PTPRE: variants seen among roughly 807,000 people sequenced by gnomAD.
The protein encoded by PTPRE is protein tyrosine phosphatase receptor type E.
Under a neutral mutation model 102.0 loss-of-function variants are expected in PTPRE, and 51 were observed. That is an observed-to-expected ratio of 0.50 (90% CI 0.40 to 0.63). The LOEUF is 0.63. Among genes scored for constraint, PTPRE ranks in the 30% least tolerant of loss-of-function variants. The probability of loss-of-function intolerance (pLI) is 0.00; values close to 1 mark genes in which losing one functional copy is unlikely to be tolerated. For synonymous variants in PTPRE, 345 were observed against 348.2 expected (o/e 0.99, Z 0.10); for missense variants, 752 against 915.1 (o/e 0.82, Z 2.30).
chr10:127,948,091 C>T (rs1440844729), intron 1 of PTPRE, among the ~76,000 whole-genome samples: 1 of 152,100 alleles, frequency 6.6e-6, no homozygotes, highest in Non-Finnish European at 1.5e-5. Flanking sequence ...CTTTTGAGCC[C>T]TGTAGATGCT....
At chr10:128,026,720 A>G (rs1846315585) in intron 2 of PTPRE, among the ~76,000 whole-genome samples, 2 of 152,240 alleles carry the variant, frequency 1.3e-5, no homozygotes, top group Admixed American at 6.5e-5. Flanking sequence ...AACCTTCACC[A>G]ACTGAGATAA....
At chr10:128,045,015 A>G (rs1338142491) in intron 3 of PTPRE, among the ~76,000 whole-genome samples, 1 of 152,248 alleles carries the variant, frequency 6.6e-6, no homozygotes, top group African/African-American at 2.4e-5. Flanking sequence ...CCATCCCTGC[A>G]GGCAGGACAT....
At position 128,047,507 on chromosome 10, in the gene PTPRE, C is replaced by T. The variant is rs1335505777; in HGVS notation, c.209+18C>T. 6.2e-7 allele frequency: 1 copy of T among 1,613,130 alleles called. No individual in the cohort carries two copies. The highest frequency in any genetic ancestry group is 1.1e-5 in the South Asian group (1 of 91,062). ...TTCTTCAGGTAGGAGTGTCCCGGGG[C>T]ACTGACTTGCCCCAACCAGCTCAGA... On this transcript the variant is annotated intron_variant, in intron 4 of 20. Coordinates refer to ENST00000254667, the MANE Select transcript of PTPRE (RefSeq NM_006504.6).
intron 2 of PTPRE, among the ~76,000 whole-genome samples, chr10:128,039,572 T>C (rs1450030508): frequency 6.6e-6 from 1 of 152,246 alleles, no homozygotes; most frequent in African/African-American, 2.4e-5. Flanking sequence ...TTCATCTTAA[T>C]AGTGGTGATT....
intron 1 of PTPRE, among the ~76,000 whole-genome samples, chr10:127,939,963 C>G (rs905492147): frequency 1.3e-4 from 19 of 149,198 alleles, no homozygotes; most frequent in Non-Finnish European, 2.2e-4. Context: ...AGGGCAGGCG[C>G]AGGCAGATGT....
intron 6 of PTPRE, 132 bp downstream of exon 6, chr10:128,049,798 G>A: frequency 7.7e-7 from 1 of 1,304,888 alleles, no homozygotes; most frequent in South Asian, 1.4e-5. Context: ...CCATGAATGG[G>A]CGTGTGAGGA....
intron 2 of PTPRE, among the ~76,000 whole-genome samples, chr10:128,003,080 G>C (rs1376860369): frequency 6.6e-6 from 1 of 152,216 alleles, no homozygotes; most frequent in African/African-American, 2.4e-5. Context: ...CTGAAGAGCA[G>C]AGTGGGCTGT....
At position 128,073,798 on chromosome 10, in the gene PTPRE, A is replaced by G. The variant is rs546067125; in HGVS notation, c.1599+327A>G. On this transcript the variant is annotated intron_variant, in intron 17 of 20. Coordinates refer to ENST00000254667, the MANE Select transcript of PTPRE (RefSeq NM_006504.6). ...GACATTTATTGACTTTTTTCAAGACATGAAGACAACAGTAAACCCAAGGTT... is the reference window on the plus strand; with the variant it reads ...GACATTTATTGACTTTTTTCAAGACGTGAAGACAACAGTAAACCCAAGGTT... Among the ~76,000 whole-genome samples, 416 of 152,354 alleles carry G rather than the reference A, an allele frequency of 2.7e-3. 1 individual carries two copies. The highest frequency in any genetic ancestry group is 4.7e-3 in the Non-Finnish European group (320 of 68,032).
chr10:128,080,987 A>G (rs779630115), intron 20 of PTPRE, among the ~76,000 whole-genome samples: 2 of 152,084 alleles, frequency 1.3e-5, no homozygotes, highest in Non-Finnish European at 2.9e-5. Flanking sequence ...GTTCACAAGG[A>G]GTGTTCTGCA....
rs747569428 is a variant in PTPRE at position 128,061,660 on chromosome 10, C to A, written c.589-19C>A. 13 of 1,578,994 alleles carry A rather than the reference C, an allele frequency of 8.2e-6. No homozygotes were observed. Among genetic ancestry groups the A allele is most frequent in the Non-Finnish European group, 1.0e-5 (12 of 1,164,994 alleles). The stretch of plus-strand genomic sequence containing the variant: ...AAGATAATTCTGAAAAAATATAAAT[C>A]TGATGTTATTTTTTCTAGGGTTACA... On this transcript the variant is annotated intron_variant, in intron 8 of 20. Transcript: ENST00000254667.
At chr10:127,947,418 G>A (rs1007442047) in intron 1 of PTPRE, among the ~76,000 whole-genome samples, 1 of 152,128 alleles carries the variant, frequency 6.6e-6, no homozygotes, top group Non-Finnish European at 1.5e-5. Flanking sequence ...CACACCCTGA[G>A]GCCCATTCTC....
intron 1 of PTPRE, among the ~76,000 whole-genome samples, chr10:127,946,944 C>T (rs1439468235): frequency 1.3e-5 from 2 of 151,052 alleles, no homozygotes; most frequent in Non-Finnish European, 2.9e-5. Flanking sequence ...AGGAGGATCC[C>T]TCGAGCTCAG....
In PTPRE at chr10:128,070,749, G is replaced by A. The variant is rs1850694071; in HGVS notation, c.1294-59G>A. ...GCCAGCAGCACTAGTCCTCGGCTGA[G>A]CAATGTGCTCAGGAGTGTCAGAGGT... On this transcript the variant is annotated intron_variant, in intron 14 of 20. Coordinates refer to ENST00000254667, the MANE Select transcript of PTPRE (RefSeq NM_006504.6). The surrounding 1 kb of genome is among the most constrained non-coding windows in gnomAD (Gnocchi z 4.8). 1 of 1,549,612 alleles carries A rather than the reference G, an allele frequency of 6.5e-7. No homozygotes were observed. The highest frequency in any genetic ancestry group is 8.9e-7 in the Non-Finnish European group (1 of 1,126,148).
intron 6 of PTPRE, among the ~76,000 whole-genome samples, chr10:128,052,177 A>G (rs986968853): frequency 1.3e-5 from 2 of 152,176 alleles, no homozygotes; most frequent in African/African-American, 4.8e-5. Context: ...TGCCATGGCC[A>G]GCTCTCTCTT....
rs72845074 is a variant in PTPRE at position 127,941,671 on chromosome 10, C to G, written c.-31+34362C>G. On this transcript the variant is annotated intron_variant, in intron 1 of 20. Transcript: ENST00000254667. ...TGGTTTCTGGACAGCCAGTTTTCCA[C>G]CTTGATTGATAAAAGAAATAACCAT... is the stretch of plus-strand genomic sequence containing the variant. 3.7e-3 allele frequency among the ~76,000 whole-genome samples: 569 copies of G among 152,340 alleles called. 3 individuals carry two copies. The highest frequency in any genetic ancestry group is 5.7e-3 in the Non-Finnish European group (390 of 68,026).
rs1339452387 is a variant in PTPRE, at chr10:127,907,182, C to A, written c.-158C>A. ...GCTTCAGGAACCCACGGCCTCTGCG[C>A]GTCCCCGCGACCCTTCTTCGCGCCC... On this transcript the variant is annotated 5_prime_UTR_variant, in exon 1 of 21. Transcript: ENST00000254667. This position sits in a 1 kb window ranked among gnomAD's most constrained non-coding sequence, Gnocchi z 4.8. The A allele has an allele frequency of 9.3e-6, 8 of 856,392 alleles. No homozygotes were observed. Among genetic ancestry groups the A allele is most frequent in the African/African-American group, 1.8e-5 (1 of 54,428 alleles). 53.0% of individuals were successfully genotyped at this position (856,392 alleles called of 1,614,324 possible). A position where few individuals can be genotyped will look rare whatever the true frequency, so the allele number is the denominator to read the frequency against.
intron 1 of PTPRE, among the ~76,000 whole-genome samples, chr10:127,953,938 A>G (rs1849220915): frequency 6.6e-6 from 1 of 152,230 alleles, no homozygotes. Flanking sequence ...CCAGAAGGTC[A>G]GGGACTTGGA....
At chr10:127,941,761 C>T (rs762983688) in intron 1 of PTPRE, among the ~76,000 whole-genome samples, 1 of 152,092 alleles carries the variant, frequency 6.6e-6, no homozygotes, top group African/African-American at 2.4e-5. Flanking sequence ...AACTCCCACC[C>T]CCTCCATCTC....
At chr10:127,974,453 C>T (rs1290448146) in intron 1 of PTPRE, among the ~76,000 whole-genome samples, 1 of 152,136 alleles carries the variant, frequency 6.6e-6, no homozygotes, top group African/African-American at 2.4e-5. Context: ...GAAAGATGAC[C>T]TAACTTTAGC....
Sources: gnomAD v4.1 joint callset for allele counts (sites outside exome capture counted in the v4.1 genomes callset) on GRCh38, gnomAD v4.1.1 for gene constraint, Gnocchi (gnomAD v3.1) non-coding constraint, MANE v1.5 for transcripts, NCBI Gene and HGNC (gene_info 2026-07-23, HGNC 2026-07-21) for gene names.